The following HTATIP2 variants were observed in gnomAD, a reference collection of about 807,000 sequenced individuals.
The protein encoded by HTATIP2 is protein HTATIP2.
In HTATIP2, 26 loss-of-function variants were observed where a neutral mutation model predicts 24.7. The ratio of observed to expected loss-of-function variants is 1.05; its 90% CI spans 0.77 to 1.46. The LOEUF is 1.46. Ranked by LOEUF, HTATIP2 falls within the 40% of genes most tolerant of loss-of-function variation. The pLI, the probability that HTATIP2 is intolerant of heterozygous loss-of-function variation, is 0.00. For synonymous variants in HTATIP2, 99 were observed against 113.2 expected, an observed-to-expected ratio of 0.87 and a Z score of 0.79; for missense variants, 284 against 289.6, an observed-to-expected ratio of 0.98 and a Z score of 0.14.
In HTATIP2 at chr11:20,382,178, G is replaced by A. The variant is rs747806383; in HGVS notation, c.442G>A (p.Gly148Arg). The A allele has an allele frequency of 1.1e-4, 173 of 1,571,072 alleles. No homozygotes were observed. The highest frequency in any genetic ancestry group is 1.4e-4 in the Non-Finnish European group (163 of 1,141,032). Residue 148 changes from glycine (G) to arginine (R), a missense_variant and splice_region_variant, in exon 4 of 5, where the codon GGA becomes AGA. Physicochemically the swap from Gly to Arg is moderately radical, Grantham distance 125 (BLOSUM62 -2). Transcript: ENST00000451739. ...CTGAAAATGTGTTTTTTCTTAATAG[G>A]GAGAAGTAGAAGCCAAGGTTGAAGA... ...SSNFLYLQVKGEVEAKVEELK... is the reference protein window; with the variant it reads ...SSNFLYLQVKREVEAKVEELK...
intron 2 of HTATIP2, among the ~76,000 whole-genome samples, chr11:20,370,736 G>A (rs745584705): frequency 5.9e-5 from 9 of 152,076 alleles, no homozygotes; most frequent in East Asian, 1.9e-4. Context: ...TGCAAGCTCC[G>A]CCTCCTGGGT....
rs1421585948 is a variant in HTATIP2, at chr11:20,382,997, G to A, written c.521G>A (p.Arg174Lys). Residue 174 changes from arginine (R) to lysine (K), a missense_variant, in exon 5 of 5, where the codon AGG (arginine) becomes AAG (lysine). By Grantham distance (26) the Arg-to-Lys change is conservative. Coordinates refer to ENST00000451739, the MANE Select transcript of HTATIP2 (RefSeq NM_001098522.2). ...VFRPGVLLCD[R>K]QESRPGEWLV... ...TATTTTAGAGTTCTGTTATGTGATA[G>A]GCAAGAATCTCGCCCAGGTGAATGG... 1.2e-6 allele frequency: 2 copies of A among 1,612,272 alleles called. No individual in the cohort carries two copies. Among genetic ancestry groups the A allele is most frequent in the African/African-American group, 2.7e-5 (2 of 74,420 alleles).
rs79849373 is a variant in HTATIP2, at chr11:20,364,046, G to C, written c.-192G>C. On this transcript the variant is annotated 5_prime_UTR_variant, in exon 1 of 5. Transcript: ENST00000451739. The stretch of plus-strand genomic sequence containing the variant: ...CTCCAGCTCGGGCCCCTTCCGATGG[G>C]TCTGCTGGCTCAGGTGCGGGCGATG... 2.2e-6 allele frequency: 3 copies of C among 1,345,724 alleles called. No individual in the cohort carries two copies. The highest frequency in any genetic ancestry group is 2.9e-6 in the Non-Finnish European group (3 of 1,049,520). The allele number at this position is 1,345,724 out of a possible 1,614,324, so 83.4% of individuals were successfully genotyped here. A position where few individuals can be genotyped will look rare whatever the true frequency, so the allele number is the denominator to read the frequency against.
At chr11:20,368,324 G>A (rs2064735470) in intron 2 of HTATIP2, among the ~76,000 whole-genome samples, 2 of 152,182 alleles carry the variant, frequency 1.3e-5, no homozygotes, top group Admixed American at 1.3e-4. Context: ...CGAGTAGTTA[G>A]ATTCAGATGT....
chr11:20,381,211 G>T (rs912839911), intron 3 of HTATIP2, among the ~76,000 whole-genome samples: 1 of 152,178 alleles, frequency 6.6e-6, no homozygotes, highest in African/African-American at 2.4e-5. Context: ...GGCTGAGGCG[G>T]GTGGATCACT....
intron 4 of HTATIP2, among the ~76,000 whole-genome samples, chr11:20,382,551 A>C (rs1194561301): frequency 3.9e-5 from 6 of 152,148 alleles, no homozygotes; most frequent in African/African-American, 7.2e-5. Context: ...TACCACACAG[A>C]TTGGGTGTCT....
chr11:20,374,600 C>T (rs142958703), intron 2 of HTATIP2, among the ~76,000 whole-genome samples: 9 of 152,172 alleles, frequency 5.9e-5, no homozygotes, highest in Non-Finnish European at 1.2e-4. Context: ...TCTTCTGCCT[C>T]GTTCTTTTAC....
intron 2 of HTATIP2, among the ~76,000 whole-genome samples, chr11:20,372,065 T>A (rs534794738): frequency 1.2e-4 from 18 of 152,296 alleles, no homozygotes; most frequent in Admixed American, 9.8e-4. Flanking sequence ...CTTTACAGAA[T>A]GATAGACCCA....
chr11:20,367,286 G>A lies in HTATIP2; in HGVS notation c.303+5G>A. On this transcript the variant is annotated splice_donor_5th_base_variant and intron_variant, in intron 2 of 4. Coordinates refer to ENST00000451739, the MANE Select transcript of HTATIP2 (RefSeq NM_001098522.2). ...ACCAGAGGGAAAGCTGGGGCGGTAA[G>A]GAAGGCATATGCTCTTTTCCCTTTT... 3 of 1,613,924 alleles carry A rather than the reference G, an allele frequency of 1.9e-6. No homozygotes were observed. The highest frequency in any genetic ancestry group is 1.1e-5 in the South Asian group (1 of 90,932).
chr11:20,380,877 G>A (rs912576117), intron 3 of HTATIP2, among the ~76,000 whole-genome samples: 4 of 152,016 alleles, frequency 2.6e-5, no homozygotes, highest in Non-Finnish European at 4.4e-5. Flanking sequence ...CTACAACATG[G>A]GTGAACCTTG....
At chr11:20,378,108 G>A (rs1306917315) in intron 3 of HTATIP2, among the ~76,000 whole-genome samples, 1 of 151,974 alleles carries the variant, frequency 6.6e-6, no homozygotes, top group African/African-American at 2.4e-5. Flanking sequence ...TATGTTGTTG[G>A]CTCATGATCA....
At chr11:20,380,214 A>G (rs181983077) in intron 3 of HTATIP2, among the ~76,000 whole-genome samples, 1 of 152,248 alleles carries the variant, frequency 6.6e-6, no homozygotes, top group East Asian at 1.9e-4. Context: ...ATAGTACATG[A>G]CCCTTATCAG....
intron 2 of HTATIP2, among the ~76,000 whole-genome samples, chr11:20,368,099 A>C (rs1020900355): frequency 1.3e-5 from 2 of 152,048 alleles, no homozygotes; most frequent in Non-Finnish European, 2.9e-5. Context: ...TAAATACATA[A>C]ATAAAACAGA....
chr11:20,377,633 G>T (rs1165504387), intron 3 of HTATIP2, among the ~76,000 whole-genome samples: 1 of 152,204 alleles, frequency 6.6e-6, no homozygotes, highest in Non-Finnish European at 1.5e-5. Context: ...CCTATGTGAA[G>T]TCCTTTTACA....
At chr11:20,376,353 T>G in intron 2 of HTATIP2, 1 of 522,454 alleles carries the variant, frequency 1.9e-6, no homozygotes, top group Non-Finnish European at 3.3e-6. Flanking sequence ...ATTGTCCTTG[T>G]TTCCTTATTG....
intron 3 of HTATIP2, among the ~76,000 whole-genome samples, chr11:20,379,210 T>C (rs1437307507): frequency 1.3e-5 from 2 of 152,174 alleles, no homozygotes. Context: ...CAGCAGAGAT[T>C]GGACCGTGAC....
chr11:20,383,433 A>C lies in HTATIP2; in HGVS notation c.*228A>C. Reference sequence around the variant, plus strand: ...AATAAAGATTTGTCAGCCCTATCTCAAACTTGAATCAAAATTTCTGGGGTG... The same window carrying C: ...AATAAAGATTTGTCAGCCCTATCTCCAACTTGAATCAAAATTTCTGGGGTG... On this transcript the variant is annotated 3_prime_UTR_variant, in exon 5 of 5. Transcript: ENST00000451739. 1.2e-4 allele frequency: 60 copies of C among 484,852 alleles called. No homozygotes were observed. The highest frequency in any genetic ancestry group is 5.3e-4 in the Middle Eastern group (1 of 1,900). 30.0% of individuals were successfully genotyped at this position (484,852 alleles called of 1,614,324 possible). A position where few individuals can be genotyped will look rare whatever the true frequency, so the allele number is the denominator to read the frequency against.
Position 20,376,589 on chromosome 11 carries a change from G to A in HTATIP2, c.313G>A (p.Val105Ile). ...TCCTTTTCCCCCTTAGGAGGGATTTGTTCGTGTTGACCGAGATTATGTGCT... is the reference window on the plus strand; with the variant it reads ...TCCTTTTCCCCCTTAGGAGGGATTTATTCGTGTTGACCGAGATTATGTGCT... ...TRGKAGAEGF[V>I]RVDRDYVLKS... Residue 105 changes from valine (V) to isoleucine (I), a missense_variant, in exon 3 of 5, where the codon GTT (valine) becomes ATT (isoleucine). Val to Ile is a conservative substitution (Grantham distance 29, BLOSUM62 3). Coordinates refer to ENST00000451739, the MANE Select transcript of HTATIP2 (RefSeq NM_001098522.2). 6.2e-7 allele frequency: 1 copy of A among 1,613,862 alleles called. No individual in the cohort carries two copies. Among genetic ancestry groups the A allele is most frequent in the South Asian group, 1.1e-5 (1 of 91,028 alleles).
chr11:20,382,248 A>T lies in HTATIP2; in HGVS notation c.503+9A>T. On this transcript the variant is annotated intron_variant, in intron 4 of 4. Transcript: ENST00000451739. The stretch of plus-strand genomic sequence containing the variant: ...TCTGTATTTAGGCCTGGGTAAGTAT[A>T]ATATTTATACTGAATGAGAGTATGC... 1 of 1,497,622 alleles carries T rather than the reference A, an allele frequency of 6.7e-7. No individual in the cohort carries two copies. The highest frequency in any genetic ancestry group is 9.3e-7 in the Non-Finnish European group (1 of 1,074,344). The allele number at this position is 1,497,622 out of a possible 1,614,324, so 92.8% of individuals were successfully genotyped here. A position where few individuals can be genotyped will look rare whatever the true frequency, so the allele number is the denominator to read the frequency against.
Sources: allele counts gnomAD v4.1 joint callset (sites outside exome capture counted in the v4.1 genomes callset), GRCh38; gene constraint gnomAD v4.1.1; transcripts MANE v1.5; gene names NCBI Gene and HGNC (gene_info 2026-07-23, HGNC 2026-07-21).